Variants in CYP2C18 observed in about 807,000 individuals in gnomAD.
CYP2C18 encodes cytochrome P450 family 2 subfamily C member 18, also known as cytochrome P450 2C18.
In CYP2C18, 38 loss-of-function variants were observed where a neutral mutation model predicts 41.3. That is an observed-to-expected ratio of 0.92 (90% confidence interval 0.71 to 1.21). The LOEUF is 1.21. CYP2C18 is among the 50% of genes most tolerant of loss of function. CYP2C18 has a pLI of 0.00. For synonymous variants in CYP2C18, 236 were observed against 210.0 expected (o/e 1.12, Z -1.07); for missense variants, 635 against 591.4 (o/e 1.07, Z -0.77).
At position 94,735,429 on chromosome 10, in the gene CYP2C18, C is replaced by T. The variant is rs573172062; in HGVS notation, c.1458C>T (p.Cys486=). The part of the protein sequence containing the change: ...FGRVPPLYQL[C]FIPV ...GTGTGCCACCCTTGTACCAGCTCTG[C>T]TTCATTCCTGTCTGAAGAAGGGCAG... The change falls in exon 9 of 9, where the codon TGC becomes TGT. Residue 486 remains cysteine (C), a synonymous_variant. Coordinates refer to ENST00000285979, the MANE Select transcript of CYP2C18 (RefSeq NM_000772.3). 1 of 1,613,528 alleles carries T rather than the reference C, an allele frequency of 6.2e-7. No individual in the cohort carries two copies. Among genetic ancestry groups the T allele is most frequent in the Non-Finnish European group, 8.5e-7 (1 of 1,179,588 alleles).
intron 7 of CYP2C18, 109 bp from the exon 8 acceptor site, chr10:94,733,188 C>T: frequency 9.0e-7 from 1 of 1,105,042 alleles, no homozygotes; most frequent in Non-Finnish European, 1.3e-6. Context: ...TTCTTTGGAC[C>T]TCAATTTTCT....
At chr10:94,702,944 A>G (rs111237645) in intron 4 of CYP2C18, among the ~76,000 whole-genome samples, 7,272 of 151,874 alleles carry the variant, frequency 0.048, 236 homozygotes, top group South Asian at 0.12. Flanking sequence ...GTTGATTTTG[A>G]TGTTATTGCT....
At chr10:94,702,494 G>C (rs117842716) in intron 4 of CYP2C18, among the ~76,000 whole-genome samples, 7,225 of 151,546 alleles carry the variant, frequency 0.048, 232 homozygotes, top group South Asian at 0.11. Context: ...GATCTTCAAT[G>C]TCTGTTATCC....
chr10:94,699,372 C>G (rs947928928), intron 4 of CYP2C18, among the ~76,000 whole-genome samples: 2 of 152,178 alleles, frequency 1.3e-5, no homozygotes, highest in African/African-American at 4.8e-5. Context: ...GAACCAAAGA[C>G]AAAAACCACA....
intron 5 of CYP2C18, among the ~76,000 whole-genome samples, chr10:94,709,961 T>G (rs1174306536): frequency 6.6e-6 from 1 of 152,174 alleles, no homozygotes; most frequent in Non-Finnish European, 1.5e-5. Flanking sequence ...TCTATATAGC[T>G]TTCTTTATGC....
Position 94,735,339 on chromosome 10 carries a change from T to C in CYP2C18, c.1368T>C (p.Phe456=), listed in dbSNP as rs1371002334. 1.2e-6 allele frequency: 2 copies of C among 1,613,634 alleles called. No homozygotes were observed. The highest frequency in any genetic ancestry group is 2.2e-5 in the South Asian group (2 of 91,082). ...FLFLTTILQN[F]NLKSQVDPKD... is the part of the protein sequence containing the mutation. ...TCCTGACCACCATTTTGCAGAACTT[T>C]AACCTGAAATCTCAGGTTGACCCAA... The change falls in exon 9 of 9, where the codon TTT becomes TTC. Residue 456 remains phenylalanine, a synonymous_variant. Coordinates refer to ENST00000285979, the MANE Select transcript of CYP2C18 (RefSeq NM_000772.3).
chr10:94,693,311 G>GTA (rs1250508545), intron 3 of CYP2C18, among the ~76,000 whole-genome samples: 1 of 152,118 alleles, frequency 6.6e-6, no homozygotes, highest in Non-Finnish European at 1.5e-5. Context: ...TCTAAAGTGT[G>GTA]TAGCACCTCC....
At chr10:94,713,666 C>T (rs1051862740) in intron 5 of CYP2C18, among the ~76,000 whole-genome samples, 16 of 152,142 alleles carry the variant, frequency 1.1e-4, no homozygotes, top group African/African-American at 3.9e-4. Flanking sequence ...TTTATGGCAG[C>T]ATGATTTATA....
rs577995854 is a variant in CYP2C18 at position 94,692,070 on chromosome 10, C to T, written c.482-2847C>T. On this transcript the variant is annotated intron_variant, in intron 3 of 8. Coordinates refer to ENST00000285979, the MANE Select transcript of CYP2C18 (RefSeq NM_000772.3). ...ATGTTAGACGTAAAACCATAAAAATCCTAGAAGAAAACCTAGGCAATACCA... is the reference window on the plus strand; with the variant it reads ...ATGTTAGACGTAAAACCATAAAAATTCTAGAAGAAAACCTAGGCAATACCA... Among the ~76,000 whole-genome samples, 368 of 152,216 alleles carry T rather than the reference C, an allele frequency of 2.4e-3. 3 individuals carry two copies. The highest frequency in any genetic ancestry group is 4.8e-3 in the Admixed American group (73 of 15,294).
At position 94,688,214 on chromosome 10, in the gene CYP2C18, A is replaced by C; in HGVS notation, c.421A>C (p.Ile141Leu). 1 of 1,613,750 alleles carries C rather than the reference A, an allele frequency of 6.2e-7. No individual in the cohort carries two copies. Among genetic ancestry groups the C allele is most frequent in the South Asian group, 1.1e-5 (1 of 91,048 alleles). The change falls in exon 3 of 9, where the codon ATC (isoleucine) becomes CTC (leucine). Residue 141 changes from isoleucine (I) to leucine (L), a missense_variant. Transcript: ENST00000285979. The part of the protein sequence containing the change: ...LRNFGMGKRS[I>L]EDRVQEEARC... Reference sequence around the variant, plus strand: ...GAATTTTGGGATGGGGAAGAGGAGCATCGAGGACCGTGTTCAAGAGGAAGC... The same window carrying C: ...GAATTTTGGGATGGGGAAGAGGAGCCTCGAGGACCGTGTTCAAGAGGAAGC...
chr10:94,683,971 G>A lies in CYP2C18; in HGVS notation c.152G>A (p.Ser51Asn), dbSNP rs1432799997. 2 of 1,605,972 alleles carry A rather than the reference G, an allele frequency of 1.2e-6. No individual in the cohort carries two copies. The highest frequency in any genetic ancestry group is 1.3e-5 in the African/African-American group (1 of 74,756). ...CTGCAGTTAGATGTTAAGGACATGA[G>A]CAAATCCTTAACCAATGTAAGTATG... is the stretch of plus-strand genomic sequence containing the variant. ...NILQLDVKDM[S>N]KSLTNFSKVY... The change falls in exon 1 of 9, where the codon AGC becomes AAC. Residue 51 changes from serine to asparagine, a missense_variant. By Grantham distance (46) the Ser-to-Asn change is conservative (BLOSUM62 1). Transcript: ENST00000285979.
chr10:94,702,006 TAAA>T (rs1156836477), intron 4 of CYP2C18, among the ~76,000 whole-genome samples: 1 of 151,940 alleles, frequency 6.6e-6, no homozygotes, highest in Non-Finnish European at 1.5e-5. Context: ...AAAAAAAAAA[TAAA>T]AAAGAAATTC....
chr10:94,715,435 A>G (rs934494013), intron 5 of CYP2C18, among the ~76,000 whole-genome samples: 2 of 152,116 alleles, frequency 1.3e-5, no homozygotes, highest in African/African-American at 4.8e-5. Context: ...TAGTATTGAG[A>G]TAATCATGTG....
intron 4 of CYP2C18, among the ~76,000 whole-genome samples, chr10:94,704,349 C>G (rs1011904750): frequency 4.0e-5 from 6 of 149,402 alleles, no homozygotes; most frequent in Non-Finnish European, 8.9e-5. Context: ...CTTCTGAAGG[C>G]TATAGCTTCC....
At chr10:94,719,063 C>A (rs565645666) in intron 5 of CYP2C18, among the ~76,000 whole-genome samples, 1 of 152,216 alleles carries the variant, frequency 6.6e-6, no homozygotes, top group South Asian at 2.1e-4. Context: ...GGGAATTGAT[C>A]TGTGAATAGA....
intron 7 of CYP2C18, among the ~76,000 whole-genome samples, chr10:94,731,039 T>C (rs949245542): frequency 6.6e-6 from 1 of 152,006 alleles, no homozygotes; most frequent in Non-Finnish European, 1.5e-5. Context: ...CAAAAACAAA[T>C]GGAAAAGCAT....
chr10:94,715,308 CT>C (rs1397337793), intron 5 of CYP2C18, among the ~76,000 whole-genome samples: 1 of 152,234 alleles, frequency 6.6e-6, no homozygotes, highest in Admixed American at 6.5e-5. Flanking sequence ...ATGATATTGG[CT>C]TTGGGTTTGT....
intron 7 of CYP2C18, among the ~76,000 whole-genome samples, chr10:94,724,860 T>A (rs1053643718): frequency 2.6e-5 from 4 of 152,010 alleles, no homozygotes; most frequent in Non-Finnish European, 4.4e-5. Flanking sequence ...ATTTTTATCA[T>A]GATGACATTA....
At chr10:94,693,876 C>G (rs1331747826) in intron 3 of CYP2C18, among the ~76,000 whole-genome samples, 3 of 152,132 alleles carry the variant, frequency 2.0e-5, no homozygotes, top group Admixed American at 2.0e-4. Flanking sequence ...GCCCTTTCCT[C>G]TTATTGCCCT....
Sources: gnomAD v4.1 joint callset for allele counts (sites outside exome capture counted in the v4.1 genomes callset) on GRCh38, gnomAD v4.1.1 for gene constraint, MANE v1.5 for transcripts, NCBI Gene and HGNC (gene_info 2026-07-23, HGNC 2026-07-21) for gene names.